Variants in BLACAT1 observed in about 807,000 individuals in gnomAD.
BLACAT1 encodes the protein bladder cancer associated transcript 1.
chr1:205,447,706 T>C (rs543930127), intron 1 of BLACAT1, among the ~76,000 whole-genome samples: 4 of 151,890 alleles, frequency 2.6e-5, no homozygotes, highest in South Asian at 4.2e-4. Flanking sequence ...CTCCTGGAGA[T>C]GGTAGCACAC....
At chr1:205,439,500 C>T (rs1238329024), downstream of BLACAT1, among the ~76,000 whole-genome samples, 1 of 152,218 alleles carries the variant, frequency 6.6e-6, no homozygotes, top group Non-Finnish European at 1.5e-5. Context: ...AGAATGTGCC[C>T]TTGCTTCTCC....
downstream of BLACAT1, among the ~76,000 whole-genome samples, chr1:205,438,808 C>G (rs1340953719): frequency 6.6e-6 from 1 of 152,102 alleles, no homozygotes; most frequent in Non-Finnish European, 1.5e-5. Context: ...CCCTCTGGAG[C>G]CAAGGGAGTT....
exon 2 of BLACAT1, among the ~76,000 whole-genome samples, chr1:205,440,421 C>T (rs1252492078): frequency 1.3e-5 from 2 of 152,158 alleles, no homozygotes; most frequent in African/African-American, 4.8e-5. Context: ...GGATTCTTGC[C>T]CCAGGTCCTG....
intron 1 of BLACAT1, among the ~76,000 whole-genome samples, chr1:205,453,354 T>C (rs1033596088): frequency 1.3e-5 from 2 of 152,154 alleles, no homozygotes; most frequent in African/African-American, 4.8e-5. Context: ...TCCGGTCCCC[T>C]CTGCTCCGAG....
chr1:205,455,283 G>A (rs377654667), intron 1 of BLACAT1, among the ~76,000 whole-genome samples: 6 of 152,118 alleles, frequency 3.9e-5, no homozygotes, highest in East Asian at 3.9e-4. Context: ...CAGACACAAT[G>A]GCTAGGAAGG....
rs532235521 is a variant in BLACAT1 at position 205,451,062 on chromosome 1, A to AGCCCAAGGG, written c.-37+4846_-37+4854dup. Among the ~76,000 whole-genome samples, 4 of 152,268 alleles carry AGCCCAAGGG rather than the reference A, an allele frequency of 2.6e-5. No individual in the cohort carries two copies. The South Asian group carries it at 8.3e-4, about 32-fold the overall frequency. On this transcript the variant is annotated intron_variant, in intron 1 of 1. Transcript: ENST00000629624. ...CTGGTGGTGAGAACTGGGGCCCAGCAGCCCAAGGGGCCCAAGGGATATCCA... is the reference window on the plus strand; with the variant it reads ...CTGGTGGTGAGAACTGGGGCCCAGCAGCCCAAGGGGCCCAAGGGGCCCAAGGGATATCCA...
At chr1:205,444,939 A>G (rs925710865) in intron 1 of BLACAT1, among the ~76,000 whole-genome samples, 1 of 147,904 alleles carries the variant, frequency 6.8e-6, no homozygotes, top group Non-Finnish European at 1.5e-5. Flanking sequence ...CCCAGTAAGG[A>G]GGGTGTGCCC....
chr1:205,444,056 G>C (rs1031486553), intron 1 of BLACAT1, among the ~76,000 whole-genome samples: 1 of 152,062 alleles, frequency 6.6e-6, no homozygotes, highest in Non-Finnish European at 1.5e-5. Context: ...TCTATTTGAG[G>C]GGGAGGAGTC....
chr1:205,438,938 C>T (rs536223294), downstream of BLACAT1, among the ~76,000 whole-genome samples: 20 of 152,344 alleles, frequency 1.3e-4, no homozygotes, highest in Admixed American at 2.6e-4. Context: ...CTCCCCAGGA[C>T]GTACTTTCTC....
intron 1 of BLACAT1, among the ~76,000 whole-genome samples, chr1:205,442,852 G>A (rs1202155289): frequency 2.0e-5 from 3 of 152,140 alleles, no homozygotes; most frequent in East Asian, 1.9e-4. Context: ...AGAGAGAGAC[G>A]GGGATCCAAT....
At chr1:205,443,570 T>C (rs1461178879) in intron 1 of BLACAT1, among the ~76,000 whole-genome samples, 1 of 152,188 alleles carries the variant, frequency 6.6e-6, no homozygotes, top group Non-Finnish European at 1.5e-5. Flanking sequence ...GTTCGAGGGC[T>C]GGCTGCCTCA....
intron 1 of BLACAT1, among the ~76,000 whole-genome samples, chr1:205,452,115 T>A (rs1172694185): frequency 1.3e-5 from 2 of 152,062 alleles, no homozygotes; most frequent in East Asian, 3.9e-4. Flanking sequence ...GGGTGTGCCC[T>A]CCCCTCCTCT....
In BLACAT1 at chr1:205,445,064, G is replaced by A. The variant is rs541352937; in HGVS notation, c.-36-4002C>T. 3.9e-5 allele frequency among the ~76,000 whole-genome samples: 6 copies of A among 152,284 alleles called. No individual in the cohort carries two copies. In the South Asian group the frequency reaches 8.3e-4, roughly 21 times the overall value. On this transcript the variant is annotated intron_variant, in intron 1 of 1. Transcript: ENST00000629624. ...CCCTCCCTGAGCCATTCATCACTGC[G>A]AAGGGAAGCAGCTGCGGCTTAGGAG...
intron 1 of BLACAT1, among the ~76,000 whole-genome samples, chr1:205,449,392 GC>G (rs1208680684): frequency 1.3e-5 from 2 of 152,144 alleles, no homozygotes; most frequent in East Asian, 3.9e-4. Flanking sequence ...TCTCCCAGGG[GC>G]CCCCAAGAAG....
chr1:205,446,689 C>T (rs913726), intron 1 of BLACAT1, among the ~76,000 whole-genome samples: 123,063 of 152,120 alleles, frequency 0.81, 50,652 homozygotes, highest in East Asian at 0.99. Flanking sequence ...GGGTAGGGAA[C>T]AGGATAGGCT....
chr1:205,454,168 G>T (rs563663895), intron 1 of BLACAT1, among the ~76,000 whole-genome samples: 1 of 152,190 alleles, frequency 6.6e-6, no homozygotes, highest in East Asian at 1.9e-4. Flanking sequence ...ACCGTGCTAG[G>T]CACCAGGAGA....
At chr1:205,455,196 C>A (rs1666548214) in intron 1 of BLACAT1, among the ~76,000 whole-genome samples, 1 of 152,158 alleles carries the variant, frequency 6.6e-6, no homozygotes, top group African/African-American at 2.4e-5. Flanking sequence ...CTTTCTTAGG[C>A]ATGCAAGGGC....
downstream of BLACAT1, chr1:205,436,035 A>C (rs1666198626): frequency 6.6e-6 from 1 of 152,242 alleles, no homozygotes; most frequent in African/African-American, 2.4e-5. Flanking sequence ...CAACGGGATA[A>C]AAATAGCAGT....
intron 1 of BLACAT1, among the ~76,000 whole-genome samples, chr1:205,449,293 C>T (rs993411523): frequency 2.6e-5 from 4 of 152,160 alleles, no homozygotes; most frequent in Admixed American, 6.5e-5. Context: ...GCTCCCATGA[C>T]GGGTCAGCTG....
Sources: gnomAD v4.1 joint callset for allele counts (sites outside exome capture counted in the v4.1 genomes callset) on GRCh38, gnomAD v4.1.1 for gene constraint, MANE v1.5 for transcripts, NCBI Gene and HGNC (gene_info 2026-07-23, HGNC 2026-07-21) for gene names.